The following NCALD variants were observed in gnomAD, a reference collection of about 807,000 sequenced individuals.
The protein encoded by NCALD is neurocalcin delta.
In NCALD, 10 loss-of-function variants were observed where a neutral mutation model predicts 18.6. The observed-to-expected ratio is 0.54, with a 90% CI of 0.33 to 0.91. NCALD has a LOEUF of 0.91. Ranked by LOEUF, NCALD falls within the 40% of genes least tolerant of loss-of-function variation. The pLI, the probability that NCALD is intolerant of heterozygous loss-of-function variation, is 0.03. For missense variants in NCALD, 184 were observed against 247.6 expected, an observed-to-expected ratio of 0.74 and a Z score of 1.72; for synonymous variants, 88 against 87.4, an observed-to-expected ratio of 1.01 and a Z score of -0.04.
chr8:102,118,027 G>A (rs550715089), intron 1 of NCALD, among the ~76,000 whole-genome samples: 6 of 152,328 alleles, frequency 3.9e-5, no homozygotes, highest in African/African-American at 1.4e-4. Context: ...TCACTTACCT[G>A]TAAATTGGGG....
intron 2 of NCALD, among the ~76,000 whole-genome samples, chr8:101,991,128 G>A (rs1821030256): frequency 2.0e-5 from 3 of 152,082 alleles, no homozygotes; most frequent in Admixed American, 1.3e-4. Context: ...TAGAGGGCAT[G>A]GTGACTCATT....
intron 1 of NCALD, among the ~76,000 whole-genome samples, chr8:101,749,017 T>C (rs1810543306): frequency 6.6e-6 from 1 of 152,192 alleles, no homozygotes; most frequent in African/African-American, 2.4e-5. Context: ...GTGTGTGTGT[T>C]TTCCATATGT....
At chr8:102,052,822 G>C (rs1009505329) in intron 1 of NCALD, among the ~76,000 whole-genome samples, 1 of 152,210 alleles carries the variant, frequency 6.6e-6, no homozygotes, top group African/African-American at 2.4e-5. Flanking sequence ...AAATGAATCA[G>C]TGTGGCTGTG....
chr8:102,121,193 CA>C (rs1213070216), intron 1 of NCALD, among the ~76,000 whole-genome samples: 2 of 152,186 alleles, frequency 1.3e-5, no homozygotes, highest in Non-Finnish European at 2.9e-5. Flanking sequence ...GTCCCTATCA[CA>C]TATTCTTCTC....
At chr8:102,044,854 G>A (rs186189275) in intron 1 of NCALD, among the ~76,000 whole-genome samples, 1 of 152,198 alleles carries the variant, frequency 6.6e-6, no homozygotes, top group Admixed American at 6.5e-5. Context: ...TCCTCTCCAG[G>A]CTTCAGTTTG....
Position 101,847,275 on chromosome 8 carries a change from C to T in NCALD, c.-20+39866G>A, listed in dbSNP as rs1479024013. On this transcript the variant is annotated intron_variant, in intron 4 of 6. Coordinates refer to the NCALD transcript ENST00000311028. ...AAGTCAGGTCAGACAGGTAATGTGC[C>T]AATGTCGTAACAAGGTTCAGAGGGT... 2.1e-5 allele frequency: 5 copies of T among 241,138 alleles called. No individual in the cohort carries two copies. In the East Asian group the frequency reaches 5.2e-4, roughly 25 times the overall value. The allele number at this position is 241,138 out of a possible 1,614,324, so 14.9% of individuals were successfully genotyped here.
At chr8:101,768,133 T>C (rs1811425659) in intron 1 of NCALD, among the ~76,000 whole-genome samples, 2 of 152,194 alleles carry the variant, frequency 1.3e-5, no homozygotes, top group South Asian at 4.1e-4. Flanking sequence ...TAGAGCCCTG[T>C]TACCTATAAA....
At chr8:102,004,346 C>G (rs370756271) in intron 2 of NCALD, among the ~76,000 whole-genome samples, 2 of 146,000 alleles carry the variant, frequency 1.4e-5, no homozygotes, top group Admixed American at 1.4e-4. Context: ...CTCTTCAAGG[C>G]GAACTACAAA....
At chr8:102,023,666 T>C (rs1221455861) in intron 1 of NCALD, among the ~76,000 whole-genome samples, 1 of 152,204 alleles carries the variant, frequency 6.6e-6, no homozygotes, top group African/African-American at 2.4e-5. Context: ...GTTCTAAGAA[T>C]ATATGGCCTT....
At chr8:101,721,873 ACT>A (rs1240205224) in intron 1 of NCALD, among the ~76,000 whole-genome samples, 3 of 146,156 alleles carry the variant, frequency 2.1e-5, no homozygotes, top group African/African-American at 7.6e-5. Flanking sequence ...TTTTTTTAAG[ACT>A]CTGTCACTCA....
intron 2 of NCALD, among the ~76,000 whole-genome samples, chr8:101,708,658 A>C (rs59570335): frequency 0.026 from 3,924 of 152,280 alleles, 130 homozygotes; most frequent in African/African-American, 0.078. Context: ...GCAATCCACA[A>C]ATCCGGAAAT....
intron 1 of NCALD, among the ~76,000 whole-genome samples, chr8:102,104,551 T>C (rs899369081): frequency 2.0e-5 from 3 of 152,190 alleles, no homozygotes; most frequent in Non-Finnish European, 1.5e-5. Context: ...TGGGATTTCC[T>C]AGGTCTTTAA....
At chr8:101,893,256 C>CCAAA (rs1344476063) in intron 3 of NCALD, among the ~76,000 whole-genome samples, 1 of 151,392 alleles carries the variant, frequency 6.6e-6, no homozygotes, top group Non-Finnish European at 1.5e-5. Flanking sequence ...TCATATCTAG[C>CCAAA]CAAACTAAGC....
At chr8:101,828,647 G>A (rs1233921891) in intron 4 of NCALD, among the ~76,000 whole-genome samples, 1 of 151,358 alleles carries the variant, frequency 6.6e-6, no homozygotes, top group South Asian at 2.1e-4. Flanking sequence ...TGTCACTAAG[G>A]CTAAAGTGTG....
chr8:102,059,094 T>C (rs1823753805), intron 1 of NCALD, among the ~76,000 whole-genome samples: 1 of 152,270 alleles, frequency 6.6e-6, no homozygotes, highest in African/African-American at 2.4e-5. Context: ...TAAATTTGTA[T>C]TGTTTAATCT....
intron 4 of NCALD, among the ~76,000 whole-genome samples, chr8:101,857,652 G>A (rs1815373651): frequency 6.6e-6 from 1 of 152,152 alleles, no homozygotes; most frequent in South Asian, 2.1e-4. Context: ...TGAAGCAGGG[G>A]GAGATGTCAA....
At chr8:102,006,752 A>C (rs1264593225) in intron 2 of NCALD, among the ~76,000 whole-genome samples, 1 of 152,234 alleles carries the variant, frequency 6.6e-6, no homozygotes, top group Non-Finnish European at 1.5e-5. Context: ...CCCAAAGTGA[A>C]TCAAAGCTTT....
intron 2 of NCALD, among the ~76,000 whole-genome samples, chr8:101,704,892 C>T (rs956244415): frequency 2.8e-5 from 4 of 144,650 alleles, no homozygotes; most frequent in African/African-American, 1.0e-4. Flanking sequence ...GCTTTCCAGC[C>T]TAGGCGACAA....
chr8:102,071,579 C>T (rs1235172600), intron 1 of NCALD, among the ~76,000 whole-genome samples: 2 of 152,220 alleles, frequency 1.3e-5, no homozygotes, highest in East Asian at 1.9e-4. Context: ...TAGCAGGTTA[C>T]ATAATTATAT....
Sources: allele counts gnomAD v4.1 joint callset (sites outside exome capture counted in the v4.1 genomes callset), GRCh38; gene constraint gnomAD v4.1.1; transcripts MANE v1.5; gene names NCBI Gene and HGNC (gene_info 2026-07-23, HGNC 2026-07-21).